The following ANO2 variants were observed in gnomAD, a reference collection of about 807,000 sequenced individuals.
ANO2 encodes anoctamin 2.
In ANO2, 101 loss-of-function variants were observed where a neutral mutation model predicts 124.2. The observed-to-expected ratio is 0.81, with a 90% CI of 0.69 to 0.96. The LOEUF (loss-of-function observed/expected upper bound fraction) is 0.96. Ranked by LOEUF, ANO2 falls within the 40% of genes least tolerant of loss-of-function variation. The probability of loss-of-function intolerance (pLI) is 0.00; values close to 1 mark genes in which losing one functional copy is unlikely to be tolerated. For missense variants in ANO2, 1,293 were observed against 1,274.5 expected, an observed-to-expected ratio of 1.01 and a Z score of -0.22; for synonymous variants, 486 against 482.5, an observed-to-expected ratio of 1.01 and a Z score of -0.09.
In ANO2 at chr12:5,862,412, TGTC is replaced by T. The variant is rs1955297714; in HGVS notation, c.535-8274_535-8272del. The stretch of plus-strand genomic sequence containing the variant: ...ATGGACATGAAAACTCAGCCACTTT[TGTC>T]GTATTTCTGGGTGCCAACCTGGACA... On this transcript the variant is annotated intron_variant, in intron 3 of 24. Coordinates refer to ENST00000682330, the MANE Select transcript of ANO2 (RefSeq NM_001364791.2). This position sits in a 1 kb window ranked among gnomAD's most constrained non-coding sequence, Gnocchi z 4.0. Among the ~76,000 whole-genome samples, 1 of 152,200 alleles carries T rather than the reference TGTC, an allele frequency of 6.6e-6. No homozygotes were observed.
Position 5,565,585 on chromosome 12 carries a change from G to A in ANO2, c.2700C>T (p.Ala900=), listed in dbSNP as rs1432864037. The A allele has an allele frequency of 1.2e-6, 2 of 1,604,710 alleles. No individual in the cohort carries two copies. Among genetic ancestry groups the A allele is most frequent in the Admixed American group, 1.7e-5 (1 of 58,898 alleles). ...FSKQYWFILS[A]RLAFVIIFQN... is the part of the protein sequence containing the mutation. The stretch of plus-strand genomic sequence containing the variant: ...GGAAGATTATGACAAAAGCCAGACG[G>A]GCGGACAGAATAAACCAGTACTGTT... Residue 900 remains alanine (A), a synonymous_variant, in exon 24 of 25, where the codon GCC becomes GCT. Transcript: ENST00000682330.
chr12:5,889,596 C>T (rs574813470), intron 3 of ANO2, among the ~76,000 whole-genome samples: 1 of 152,388 alleles, frequency 6.6e-6, no homozygotes, highest in South Asian at 2.1e-4. Flanking sequence ...CGTGTCCCAT[C>T]TCCTTCCCCA....
intron 3 of ANO2, among the ~76,000 whole-genome samples, chr12:5,866,608 C>T (rs1955433587): frequency 6.6e-6 from 1 of 152,162 alleles, no homozygotes. Flanking sequence ...TTGCACATGC[C>T]GTTGTGAGCG....
rs1462092628 is a variant in ANO2 at position 5,745,210 on chromosome 12, C to T, written c.1191-893G>A. ...AAGAATCAGCCCTGACTGACTTTCC[C>T]AATAACCCTCTATACCATACACTGA... On this transcript the variant is annotated intron_variant, in intron 11 of 24. Coordinates refer to ENST00000682330, the MANE Select transcript of ANO2 (RefSeq NM_001364791.2). 3.9e-5 allele frequency among the ~76,000 whole-genome samples: 6 copies of T among 152,198 alleles called. No homozygotes were observed. The East Asian group carries it at 9.6e-4, about 24-fold the overall frequency.
At chr12:5,805,921 G>A in intron 9 of ANO2, 131 bp downstream of exon 9, 1 of 846,258 alleles carries the variant, frequency 1.2e-6, no homozygotes, top group South Asian at 2.0e-5. Flanking sequence ...GGGGGAAAGG[G>A]GGGAGCTGGT....
intron 10 of ANO2, among the ~76,000 whole-genome samples, chr12:5,792,759 C>A (rs1388411250): frequency 6.6e-6 from 1 of 152,200 alleles, no homozygotes; most frequent in Non-Finnish European, 1.5e-5. Context: ...CTCCATCAGC[C>A]TGTCCCTTTA....
At chr12:5,675,892 C>T (rs1273367168) in intron 14 of ANO2, among the ~76,000 whole-genome samples, 6 of 152,204 alleles carry the variant, frequency 3.9e-5, no homozygotes, top group Admixed American at 1.3e-4. Flanking sequence ...TCCAGTTGTA[C>T]GGCCCTTCTG....
At chr12:5,576,907 A>T (rs998598833) in intron 22 of ANO2, among the ~76,000 whole-genome samples, 2 of 152,228 alleles carry the variant, frequency 1.3e-5, no homozygotes, top group Admixed American at 6.5e-5. Flanking sequence ...GGCACTTGTT[A>T]TATGTCCTTT....
intron 7 of ANO2, 63 bp downstream of exon 7, chr12:5,827,706 A>G: frequency 6.5e-7 from 1 of 1,549,688 alleles, no homozygotes. Context: ...GAGCTGTTGA[A>G]AGCACGGGGC....
intron 14 of ANO2, among the ~76,000 whole-genome samples, chr12:5,680,947 T>A (rs1948462185): frequency 6.6e-6 from 1 of 152,122 alleles, no homozygotes; most frequent in Non-Finnish European, 1.5e-5. Context: ...ACAGACCTGT[T>A]GTACAGGGAA....
At chr12:5,886,685 T>C (rs1938934612) in intron 3 of ANO2, among the ~76,000 whole-genome samples, 1 of 152,214 alleles carries the variant, frequency 6.6e-6, no homozygotes, top group East Asian at 1.9e-4. Flanking sequence ...TCAAGGGTGT[T>C]TGCATGTGTT....
intron 3 of ANO2, among the ~76,000 whole-genome samples, chr12:5,894,036 CT>C (rs2136274877): frequency 6.6e-6 from 1 of 152,278 alleles, no homozygotes; most frequent in African/African-American, 2.4e-5. Context: ...AATGATATTT[CT>C]GGCTCTAGAT....
At chr12:5,751,097 G>A in intron 10 of ANO2, 127 bp from the exon 11 acceptor site, 4 of 937,450 alleles carry the variant, frequency 4.3e-6, no homozygotes, top group Non-Finnish European at 6.1e-6. Context: ...GAAAACAAAG[G>A]GATGGAGGTT....
At chr12:5,697,049 A>T (rs1455147805) in intron 14 of ANO2, among the ~76,000 whole-genome samples, 1 of 152,228 alleles carries the variant, frequency 6.6e-6, no homozygotes, top group Non-Finnish European at 1.5e-5. Context: ...ACAGGAATAA[A>T]ATAAAGATAC....
intron 10 of ANO2, among the ~76,000 whole-genome samples, chr12:5,774,667 G>A (rs1952176167): frequency 1.3e-5 from 2 of 152,130 alleles, no homozygotes; most frequent in Admixed American, 6.5e-5. Context: ...TGCCTTGTTG[G>A]AACCTCTAGG....
In ANO2 at chr12:5,750,818, T is replaced by C; in HGVS notation, c.1190+18A>G. 1 of 1,605,520 alleles carries C rather than the reference T, an allele frequency of 6.2e-7. No individual in the cohort carries two copies. The highest frequency in any genetic ancestry group is 8.5e-7 in the Non-Finnish European group (1 of 1,177,214). On this transcript the variant is annotated intron_variant, in intron 11 of 24. Coordinates refer to ENST00000682330, the MANE Select transcript of ANO2 (RefSeq NM_001364791.2). ...TTAACATATGGCAACTGAGCCCTTT[T>C]CTTTAAAACTGATTTACCTGGGAAT...
intron 7 of ANO2, among the ~76,000 whole-genome samples, chr12:5,817,268 A>G (rs1207887976): frequency 2.6e-5 from 4 of 152,232 alleles, no homozygotes; most frequent in South Asian, 2.1e-4. Context: ...CATTTTACAT[A>G]AAAGTAAGCT....
intron 4 of ANO2, among the ~76,000 whole-genome samples, chr12:5,847,670 T>C (rs905546876): frequency 6.6e-6 from 1 of 152,098 alleles, no homozygotes; most frequent in Non-Finnish European, 1.5e-5. Flanking sequence ...ACAGAGACAA[T>C]AACAAGTACC....
At chr12:5,743,249 TCAAA>T (rs1951161270) in intron 12 of ANO2, among the ~76,000 whole-genome samples, 2 of 151,994 alleles carry the variant, frequency 1.3e-5, no homozygotes, top group South Asian at 4.2e-4. Context: ...CAGTGATAAA[TCAAA>T]CAGCCTCTGC....
Sources: gnomAD v4.1 joint callset for allele counts (sites outside exome capture counted in the v4.1 genomes callset) on GRCh38, gnomAD v4.1.1 for gene constraint, Gnocchi (gnomAD v3.1) non-coding constraint, MANE v1.5 for transcripts, NCBI Gene and HGNC (gene_info 2026-07-23, HGNC 2026-07-21) for gene names.